The following CEP63 variants were observed in gnomAD, a reference collection of about 807,000 sequenced individuals.
The protein encoded by CEP63 is centrosomal protein 63.
Under a neutral mutation model 89.1 loss-of-function variants are expected in CEP63, and 84 were observed. That is an observed-to-expected ratio of 0.94 (90% CI 0.79 to 1.13). CEP63 has a LOEUF of 1.13. Among genes scored for constraint, CEP63 ranks in the 50% most tolerant of loss-of-function variants. The probability of loss-of-function intolerance (pLI) is 0.00; values close to 1 mark genes in which losing one functional copy is unlikely to be tolerated. For missense variants in CEP63, 838 were observed against 813.3 expected (o/e 1.03, Z -0.37); for synonymous variants, 267 against 272.5 (o/e 0.98, Z 0.20).
the CEP63 span, among the ~76,000 whole-genome samples, chr3:134,655,690 G>A: frequency 6.6e-6 from 1 of 152,138 alleles, no homozygotes; most frequent in African/African-American, 2.4e-5. Context: ...AGCTGAGGCT[G>A]CATAGTGCCC....
chr3:134,532,973 C>G, intron 5 of CEP63, 73 bp downstream of exon 5: 1 of 1,533,312 alleles, frequency 6.5e-7, no homozygotes. Context: ...TCTAATGGCA[C>G]TATTTTCTGG....
chr3:134,634,615 A>G, the CEP63 span, among the ~76,000 whole-genome samples: 6 of 152,264 alleles, frequency 3.9e-5, no homozygotes, highest in African/African-American at 1.4e-4. Flanking sequence ...ATGAGACATC[A>G]CATCTATTAG....
intron 6 of CEP63, among the ~76,000 whole-genome samples, chr3:134,544,115 TG>T (rs1477455314): frequency 2.0e-5 from 3 of 152,212 alleles, no homozygotes; most frequent in Non-Finnish European, 4.4e-5. Flanking sequence ...GTACAGGATT[TG>T]GACCTGTACT....
chr3:134,657,179 G>A, the CEP63 span, among the ~76,000 whole-genome samples: 16 of 152,310 alleles, frequency 1.1e-4, no homozygotes, highest in East Asian at 3.1e-3. Flanking sequence ...GGCAGCGAAA[G>A]GCAATGAGGA....
At chr3:134,499,766 C>T (rs1041973613) in intron 2 of CEP63, among the ~76,000 whole-genome samples, 3 of 151,596 alleles carry the variant, frequency 2.0e-5, no homozygotes, top group Non-Finnish European at 4.4e-5. Context: ...CTTTGCCCAC[C>T]CTCTGCCCTT....
intron 1 of CEP63, among the ~76,000 whole-genome samples, chr3:134,491,042 A>T (rs1037847504): frequency 3.3e-5 from 5 of 152,180 alleles, no homozygotes; most frequent in African/African-American, 1.2e-4. Context: ...CCCTGTGGAT[A>T]TGTTGTTTTG....
Position 134,564,363 on chromosome 3 carries a change from T to C in CEP63, c.*2828T>C. ...TGTGCTCCTAAAACTCCCCCTTTACTTGGCTACTTTATCTGGCTTGGCAAA... is the reference window on the plus strand; with the variant it reads ...TGTGCTCCTAAAACTCCCCCTTTACCTGGCTACTTTATCTGGCTTGGCAAA... On this transcript the variant is annotated 3_prime_UTR_variant, in exon 15 of 15. Transcript: ENST00000675561. The C allele has an allele frequency of 1.0e-6, 1 of 985,534 alleles. No individual in the cohort carries two copies. Among genetic ancestry groups the C allele is most frequent in the South Asian group, 4.7e-5 (1 of 21,288 alleles). The allele number at this position is 985,534 out of a possible 1,614,324, so 61.0% of individuals were successfully genotyped here.
the CEP63 span, among the ~76,000 whole-genome samples, chr3:134,652,667 C>T: frequency 6.6e-6 from 1 of 152,108 alleles, no homozygotes; most frequent in Non-Finnish European, 1.5e-5. Context: ...CGCGCGCGCG[C>T]ACACCTGGGA....
At chr3:134,535,150 C>A (rs1250732370) in intron 5 of CEP63, among the ~76,000 whole-genome samples, 1 of 152,144 alleles carries the variant, frequency 6.6e-6, no homozygotes, top group African/African-American at 2.4e-5. Context: ...CATTTTATTT[C>A]TTCCATTTTA....
the CEP63 span, among the ~76,000 whole-genome samples, chr3:134,689,614 A>G: frequency 1.3e-5 from 2 of 151,830 alleles, no homozygotes; most frequent in Non-Finnish European, 2.9e-5. Flanking sequence ...ACCACGCTCA[A>G]GTAATTTTTG....
chr3:134,520,276 C>T (rs1481805820), intron 3 of CEP63, among the ~76,000 whole-genome samples: 1 of 151,634 alleles, frequency 6.6e-6, no homozygotes, highest in Non-Finnish European at 1.5e-5. Context: ...TTCTTTGTAC[C>T]AGCAAAAAGC....
the CEP63 span, among the ~76,000 whole-genome samples, chr3:134,671,535 GA>G: frequency 6.6e-6 from 1 of 152,214 alleles, no homozygotes; most frequent in Non-Finnish European, 1.5e-5. Context: ...GAAAAATGTT[GA>G]CCTTTGTTCA....
At chr3:134,737,090 A>G in the CEP63 span, among the ~76,000 whole-genome samples, 1 of 152,216 alleles carries the variant, frequency 6.6e-6, no homozygotes, top group Non-Finnish European at 1.5e-5. Flanking sequence ...TATGAAGTCA[A>G]TTGTTATTTA....
At chr3:134,747,326 C>A in the CEP63 span, among the ~76,000 whole-genome samples, 3 of 152,156 alleles carry the variant, frequency 2.0e-5, no homozygotes, top group Admixed American at 6.5e-5. Context: ...GTTACTGTAG[C>A]CTTGTTGGTA....
chr3:134,754,916 G>A, the CEP63 span, among the ~76,000 whole-genome samples: 1 of 151,990 alleles, frequency 6.6e-6, no homozygotes, highest in African/African-American at 2.4e-5. Flanking sequence ...GACATTTGGG[G>A]GTCTCATGGA....
At chr3:134,485,980 G>C (rs374438738), upstream of CEP63, 75 of 927,198 alleles carry the variant, frequency 8.1e-5, 1 homozygote, top group African/African-American at 1.7e-3. Flanking sequence ...GCAGACGCTT[G>C]CTCCTGCCAC....
At chr3:134,568,560 G>GTTCA (rs2110264601), downstream of CEP63, among the ~76,000 whole-genome samples, 1 of 152,286 alleles carries the variant, frequency 6.6e-6, no homozygotes, top group Admixed American at 6.5e-5. Context: ...GCAGTAGCCT[G>GTTCA]TTCATATTAA....
chr3:134,712,547 A>G, the CEP63 span, among the ~76,000 whole-genome samples: 1 of 152,048 alleles, frequency 6.6e-6, no homozygotes, highest in East Asian at 1.9e-4. Flanking sequence ...TTTGCATATG[A>G]AACATTTTCT....
At chr3:134,676,195 T>C in the CEP63 span, among the ~76,000 whole-genome samples, 1 of 152,336 alleles carries the variant, frequency 6.6e-6, no homozygotes, top group East Asian at 1.9e-4. Flanking sequence ...CATCAACTGA[T>C]GAATGAATAA....
Sources: allele counts gnomAD v4.1 joint callset (sites outside exome capture counted in the v4.1 genomes callset), GRCh38; gene constraint gnomAD v4.1.1; transcripts MANE v1.5; gene names NCBI Gene and HGNC (gene_info 2026-07-23, HGNC 2026-07-21).